FREM1: variants seen among roughly 807,000 people sequenced by gnomAD.
The protein encoded by FREM1 is FRAS1-related extracellular matrix protein 1.
In FREM1, 220 loss-of-function variants were observed where a neutral mutation model predicts 210.1. The ratio of observed to expected loss-of-function variants is 1.05; its 90% confidence interval spans 0.94 to 1.17. The LOEUF is 1.17. FREM1 is among the 50% of genes most tolerant of loss of function. The pLI, the probability that FREM1 is intolerant of heterozygous loss-of-function variation, is 0.00. For synonymous variants in FREM1, 1,189 were observed against 980.2 expected, an observed-to-expected ratio of 1.21 and a Z score of -3.98; for missense variants, 3,454 against 2,675.5, an observed-to-expected ratio of 1.29 and a Z score of -6.42.
At chr9:14,738,887 G>C (rs1840901642) in intron 36 of FREM1, among the ~76,000 whole-genome samples, 1 of 150,892 alleles carries the variant, frequency 6.6e-6, no homozygotes, top group Admixed American at 6.7e-5. Flanking sequence ...GTGGGCACCT[G>C]TAATCCCAGC....
In FREM1 at chr9:14,801,732, A is replaced by T. The variant is rs200773791; in HGVS notation, c.3614T>A (p.Phe1205Tyr). Residue 1205 changes from phenylalanine to tyrosine, a missense_variant, in exon 20 of 37, where the codon TTC becomes TAC. Coordinates refer to ENST00000380880, the MANE Select transcript of FREM1 (RefSeq NM_001379081.2). ...LLIDRGFSKD[F>Y]SENKQPANPH... ...GTTGGCTGGCTGCTTATTCTCAGAG[A>T]AGTCTTTGCTAAACCCCCTATCGAT... 107 of 1,613,854 alleles carry T rather than the reference A, an allele frequency of 6.6e-5. No homozygotes were observed. The highest frequency in any genetic ancestry group is 5.5e-5 in the South Asian group (5 of 91,076).
chr9:14,813,823 G>C (rs1338442927), intron 15 of FREM1, among the ~76,000 whole-genome samples: 1 of 152,160 alleles, frequency 6.6e-6, no homozygotes, highest in South Asian at 2.1e-4. Flanking sequence ...GTGCTGCAAG[G>C]CTGCCACGTC....
intron 10 of FREM1, among the ~76,000 whole-genome samples, chr9:14,840,979 T>C (rs1588295781): frequency 6.6e-6 from 1 of 152,330 alleles, no homozygotes; most frequent in East Asian, 1.9e-4. Context: ...ATGTTCTCAG[T>C]ACTTTATATG....
At chr9:14,882,540 A>G (rs1834981603) in intron 1 of FREM1, among the ~76,000 whole-genome samples, 1 of 150,008 alleles carries the variant, frequency 6.7e-6, no homozygotes, top group Non-Finnish European at 1.5e-5. Flanking sequence ...GGCTTACTGC[A>G]ACCTCCTGGG....
intron 23 of FREM1, among the ~76,000 whole-genome samples, chr9:14,788,311 ATT>A (rs756829122): frequency 7.2e-5 from 11 of 152,088 alleles, no homozygotes; most frequent in Non-Finnish European, 1.2e-4. Context: ...TCCATCTTCC[ATT>A]TAACTCTCCC....
chr9:14,898,599 A>G lies in FREM1; in HGVS notation c.-268+11315T>C, dbSNP rs550167839. On this transcript the variant is annotated intron_variant, in intron 1 of 36. Transcript: ENST00000380880. ...ACTACCAAAAATACAAAAATCAGCCAGGCATGGTGGCAGGCACCTGTAATC... is the reference window on the plus strand; with the variant it reads ...ACTACCAAAAATACAAAAATCAGCCGGGCATGGTGGCAGGCACCTGTAATC... 7.2e-5 allele frequency among the ~76,000 whole-genome samples: 11 copies of G among 152,270 alleles called. No homozygotes were observed. The South Asian group carries it at 1.5e-3, about 20-fold the overall frequency.
intron 1 of FREM1, among the ~76,000 whole-genome samples, chr9:14,878,612 T>C (rs1834220030): frequency 6.6e-6 from 1 of 152,222 alleles, no homozygotes; most frequent in Non-Finnish European, 1.5e-5. Flanking sequence ...GTTTTCACCA[T>C]TACTTTCAAT....
intron 1 of FREM1, among the ~76,000 whole-genome samples, chr9:14,907,290 T>G (rs1004260563): frequency 6.6e-6 from 1 of 152,214 alleles, no homozygotes; most frequent in East Asian, 1.9e-4. Context: ...GGTGCCCCAG[T>G]CACTGCAGTG....
rs1852671115 is a variant in FREM1 at position 14,797,587 on chromosome 9, T to G, written c.3750A>C (p.Thr1250=). 3 of 1,612,302 alleles carry G rather than the reference T, an allele frequency of 1.9e-6. No individual in the cohort carries two copies. The highest frequency in any genetic ancestry group is 1.7e-6 in the Non-Finnish European group (2 of 1,178,674). ...DDSESLADDF[T]IQLSDGKHKI... Reference sequence around the variant, plus strand: ...TATGTTTCCCATCTGACAATTGGATTGTAAAATCATCAGCAAGGCTCTCTG... The same window carrying G: ...TATGTTTCCCATCTGACAATTGGATGGTAAAATCATCAGCAAGGCTCTCTG... Residue 1250 remains threonine, a synonymous_variant, in exon 21 of 37, where the codon ACA becomes ACC. Coordinates refer to ENST00000380880, the MANE Select transcript of FREM1 (RefSeq NM_001379081.2).
chr9:14,851,599 ACT>A lies in FREM1; in HGVS notation c.835_836del (p.Ser279CysfsTer44). 12 of 1,612,332 alleles carry A rather than the reference ACT, an allele frequency of 7.4e-6. No homozygotes were observed. The highest frequency in any genetic ancestry group is 1.0e-5 in the Non-Finnish European group (12 of 1,178,400). On this transcript the variant is annotated frameshift_variant, in exon 6 of 37. Coordinates refer to ENST00000380880, the MANE Select transcript of FREM1 (RefSeq NM_001379081.2). LOFTEE classifies it high-confidence loss of function. The stretch of plus-strand genomic sequence containing the variant: ...CTCTGATATAGACAGGCAGCCACGC[ACT>A]CTCTGACTTTTGAAGGATAGAGAAA... ...TRSKIVYKSESAWLPVYIRAG... is the reference protein window; with the variant it reads ...TRSKIVYKSEXAWLPVYIRAG...
Position 14,819,369 on chromosome 9 carries a change from T to C in FREM1, c.2411A>G (p.Asp804Gly), listed in dbSNP as rs1328072210. ...AATATTGTCCAGCTTGGTATCTGCATCAGAAATTAGAATGTGCTCTGTGCT... is the reference window on the plus strand; with the variant it reads ...AATATTGTCCAGCTTGGTATCTGCACCAGAAATTAGAATGTGCTCTGTGCT... ...IISTEHILIS[D>G]ADTKLDNIDL... is the part of the protein sequence containing the mutation. The change falls in exon 14 of 37, where the codon GAT becomes GGT. Residue 804 changes from aspartate (D) to glycine (G), a missense_variant. Coordinates refer to ENST00000380880, the MANE Select transcript of FREM1 (RefSeq NM_001379081.2). The C allele has an allele frequency of 1.9e-6, 3 of 1,613,724 alleles. No individual in the cohort carries two copies. The highest frequency in any genetic ancestry group is 2.5e-6 in the Non-Finnish European group (3 of 1,179,670).
At chr9:14,783,484 G>T (rs768541739) in intron 24 of FREM1, among the ~76,000 whole-genome samples, 25 of 152,136 alleles carry the variant, frequency 1.6e-4, no homozygotes, top group Non-Finnish European at 2.9e-4. Flanking sequence ...TGCTCTCCAG[G>T]CCTCCTTCTG....
At chr9:14,756,662 A>G (rs1308327666) in intron 28 of FREM1, among the ~76,000 whole-genome samples, 1 of 152,192 alleles carries the variant, frequency 6.6e-6, no homozygotes, top group Non-Finnish European at 1.5e-5. Context: ...AATGGAAAGG[A>G]AAGCTTTTGT....
At chr9:14,863,661 C>A in intron 3 of FREM1, 148 bp downstream of exon 3, 1 of 570,728 alleles carries the variant, frequency 1.8e-6, no homozygotes, top group Non-Finnish European at 3.1e-6. Flanking sequence ...CTTGCCTGAT[C>A]CACTCAGGCC....
At chr9:14,877,210 A>G (rs895215728) in intron 1 of FREM1, among the ~76,000 whole-genome samples, 1 of 151,806 alleles carries the variant, frequency 6.6e-6, no homozygotes, top group Non-Finnish European at 1.5e-5. Flanking sequence ...ATGGACCTCA[A>G]ACTTACACCT....
intron 10 of FREM1, among the ~76,000 whole-genome samples, chr9:14,832,820 T>TA (rs947952624): frequency 6.6e-6 from 1 of 152,170 alleles, no homozygotes; most frequent in African/African-American, 2.4e-5. Flanking sequence ...GTATAATTAA[T>TA]AAAAAAAGGA....
At chr9:14,858,358 C>A (rs1829175059) in intron 4 of FREM1, among the ~76,000 whole-genome samples, 1 of 152,078 alleles carries the variant, frequency 6.6e-6, no homozygotes, top group South Asian at 2.1e-4. Context: ...ACTCATAAGC[C>A]ACTTTCAAAT....
intron 22 of FREM1, 47 bp from the exon 23 acceptor site, chr9:14,789,161 C>T: frequency 1.5e-6 from 2 of 1,335,556 alleles, no homozygotes; most frequent in Non-Finnish European, 1.0e-6. Flanking sequence ...TTTTCTTTTC[C>T]CCCAACGTAC....
intron 19 of FREM1, among the ~76,000 whole-genome samples, chr9:14,803,561 GT>G (rs565807531): frequency 1.3e-5 from 2 of 152,058 alleles, no homozygotes; most frequent in South Asian, 2.1e-4. Flanking sequence ...TAGAGATGGG[GT>G]TTTGCCACAT....
Sources: gnomAD v4.1 joint callset for allele counts (sites outside exome capture counted in the v4.1 genomes callset) on GRCh38, gnomAD v4.1.1 for gene constraint, MANE v1.5 for transcripts, NCBI Gene and HGNC (gene_info 2026-07-23, HGNC 2026-07-21) for gene names.